SRP68: variants seen among roughly 807,000 people sequenced by gnomAD.
The protein encoded by SRP68 is signal recognition particle subunit SRP68.
In SRP68, 15 loss-of-function variants were observed where a neutral mutation model predicts 82.2. The observed-to-expected ratio is 0.18, with a 90% CI of 0.12 to 0.28. The LOEUF (loss-of-function observed/expected upper bound fraction) is 0.28, where lower values mean the gene tolerates loss of function less well. Among genes scored for constraint, SRP68 ranks in the 10% least tolerant of loss-of-function variants. The pLI is 1.00. For missense variants in SRP68, 595 were observed against 780.5 expected (o/e 0.76, Z 2.83); for synonymous variants, 261 against 292.6 (o/e 0.89, Z 1.10).
chr17:76,039,777 C>T lies in SRP68; in HGVS notation c.1813G>A (p.Asp605Asn), dbSNP rs1320001350. Reference protein sequence around the residue: ...LNHVAFPPLEDKLEQKTKSGL... With the variant: ...LNHVAFPPLENKLEQKTKSGL... The stretch of plus-strand genomic sequence containing the variant: ...CTCTTGGTCTTCTGTTCCAACTTGT[C>T]CTCAAGGGGTGGGAAAGCCACATGG... The change falls in exon 16 of 16, where the codon GAC becomes AAC. Residue 605 changes from aspartate (D) to asparagine (N), a missense_variant. Asp to Asn is a conservative substitution (Grantham distance 23). Around this residue, in one of 2 missense-constraint regions of SRP68, gnomAD observed 495 missense variants for 688.6 expected, o/e 0.72. Coordinates refer to ENST00000307877, the MANE Select transcript of SRP68 (RefSeq NM_014230.4). The T allele has an allele frequency of 1.9e-6, 3 of 1,614,090 alleles. No individual in the cohort carries two copies. Among genetic ancestry groups the T allele is most frequent in the South Asian group, 1.1e-5 (1 of 91,094 alleles).
chr17:76,053,448 C>A, intron 8 of SRP68: 1 of 985,332 alleles, frequency 1.0e-6, no homozygotes, highest in Non-Finnish European at 1.2e-6. Flanking sequence ...CTTCGTCTTA[C>A]CAGCTACACA....
intron 13 of SRP68, 111 bp from the exon 14 acceptor site, chr17:76,041,089 T>C (rs1224750061): frequency 1.4e-6 from 1 of 720,006 alleles, no homozygotes; most frequent in African/African-American, 1.8e-5. Flanking sequence ...CTTTAGACTT[T>C]CTAAACGGTT....
intron 9 of SRP68, chr17:76,048,201 C>T (rs1035726855): frequency 2.5e-5 from 6 of 242,414 alleles, no homozygotes; most frequent in East Asian, 7.6e-5. Context: ...CTGAGAGTAA[C>T]GGCCAGATGA....
At chr17:76,046,323 T>C in intron 10 of SRP68, 129 bp from the exon 11 acceptor site, 1 of 1,051,880 alleles carries the variant, frequency 9.5e-7, no homozygotes, top group Non-Finnish European at 1.4e-6. Context: ...AGCAGGGCCA[T>C]TTGGCTTGGG....
intron 8 of SRP68, among the ~76,000 whole-genome samples, 175 bp from the exon 9 acceptor site, chr17:76,050,701 C>G (rs2066665946): frequency 1.2e-5 from 1 of 84,072 alleles, no homozygotes; most frequent in Non-Finnish European, 2.5e-5. Flanking sequence ...TTCTCATAGC[C>G]TTAGTCATTC....
In SRP68 at chr17:76,045,877, G is replaced by T. The variant is rs149823405; in HGVS notation, c.1299+161C>A. Reference sequence around the variant, plus strand: ...AGATCAGCATGTCTGAGAGGTAGGGGCTCACAGACTGCAGAACTGGTGTAA... The same window carrying T: ...AGATCAGCATGTCTGAGAGGTAGGGTCTCACAGACTGCAGAACTGGTGTAA... On this transcript the variant is annotated intron_variant, in intron 11 of 15. Coordinates refer to ENST00000307877, the MANE Select transcript of SRP68 (RefSeq NM_014230.4). Among the ~76,000 whole-genome samples the T allele has an allele frequency of 1.3e-4, 20 of 152,272 alleles. No individual in the cohort carries two copies. The East Asian group carries it at 3.7e-3, about 28-fold the overall frequency.
intron 9 of SRP68, chr17:76,049,365 A>C (rs532514157): frequency 6.6e-6 from 1 of 152,360 alleles, no homozygotes; most frequent in Non-Finnish European, 1.5e-5. Flanking sequence ...TATGAGCTGG[A>C]CCTTGAAAAA....
chr17:76,064,732 T>C (rs2066793842), intron 3 of SRP68, among the ~76,000 whole-genome samples: 3 of 151,538 alleles, frequency 2.0e-5, no homozygotes, highest in Admixed American at 6.6e-5. Context: ...TCCCAGCTAC[T>C]TGGGAGGCTG....
chr17:76,045,758 T>C (rs1218396959), intron 11 of SRP68, among the ~76,000 whole-genome samples: 3 of 152,162 alleles, frequency 2.0e-5, no homozygotes, highest in Non-Finnish European at 4.4e-5. Context: ...GGGGCCGAGA[T>C]GGCATGGACT....
intron 3 of SRP68, among the ~76,000 whole-genome samples, chr17:76,065,056 CTTTATTA>C (rs2144525685): frequency 6.6e-6 from 1 of 152,190 alleles, no homozygotes; most frequent in South Asian, 2.1e-4. Context: ...TCGTTAACTA[CTTTATTA>C]TTATACTGGT....
Position 76,070,439 on chromosome 17 carries a change from GA to G in SRP68, c.189del (p.Gln64ArgfsTer50), listed in dbSNP as rs750887827. The G allele has an allele frequency of 6.2e-7, 1 of 1,613,860 alleles. No individual in the cohort carries two copies. The highest frequency in any genetic ancestry group is 2.2e-5 in the East Asian group (1 of 44,880). ...TGCTGCTGGGATTCCTTAATAATCT[GA>G]AGAACTAGAGTCGAGATTAAGGAAA... is the stretch of plus-strand genomic sequence containing the variant. ...EFGDSLSLEI[L>X]QIIKESQQQH... is the part of the protein sequence containing the mutation. On this transcript the variant is annotated frameshift_variant, in exon 2 of 16. Coordinates refer to ENST00000307877, the MANE Select transcript of SRP68 (RefSeq NM_014230.4). LOFTEE classifies it high-confidence loss of function.
intron 3 of SRP68, among the ~76,000 whole-genome samples, chr17:76,064,517 C>T (rs376979035): frequency 6.6e-6 from 1 of 152,234 alleles, no homozygotes. Context: ...ACACTTCCTT[C>T]ATCTCAATCC....
At chr17:76,047,805 A>G (rs537792048) in intron 10 of SRP68, 101 bp downstream of exon 10, 5 of 580,604 alleles carry the variant, frequency 8.6e-6, no homozygotes, top group Non-Finnish European at 2.5e-6. Context: ...AAAAACAAAG[A>G]AAAGAAATTA....
chr17:76,043,824 C>T lies in SRP68; in HGVS notation c.1524+5G>A, dbSNP rs772537658. 2 of 1,588,920 alleles carry T rather than the reference C, an allele frequency of 1.3e-6. No homozygotes were observed. The highest frequency in any genetic ancestry group is 1.7e-6 in the Non-Finnish European group (2 of 1,171,942). On this transcript the variant is annotated splice_donor_5th_base_variant and intron_variant, in intron 13 of 15. Coordinates refer to ENST00000307877, the MANE Select transcript of SRP68 (RefSeq NM_014230.4). ...CTTGCAAACAAGGAGAGGCCAACCT[C>T]TCACCTTTAGGCTGTTCTTGAAGGC...
chr17:76,061,485 G>C lies in SRP68; in HGVS notation c.644+7C>G. The C allele has an allele frequency of 6.2e-7, 1 of 1,612,062 alleles. No homozygotes were observed. Among genetic ancestry groups the C allele is most frequent in the Non-Finnish European group, 8.5e-7 (1 of 1,178,774 alleles). ...ACTGGCCACAGCCTTTGGACTATAG[G>C]ACTTACTTGCATTTGTTAAAAGCCT... is the stretch of plus-strand genomic sequence containing the variant. On this transcript the variant is annotated splice_region_variant and intron_variant, in intron 5 of 15. Transcript: ENST00000307877.
At chr17:76,046,479 A>AC (rs1420840572) in intron 10 of SRP68, among the ~76,000 whole-genome samples, 4 of 121,322 alleles carry the variant, frequency 3.3e-5, no homozygotes, top group East Asian at 2.3e-4. Flanking sequence ...AAAAAAAAAA[A>AC]AAAAACAAAA....
intron 8 of SRP68, among the ~76,000 whole-genome samples, chr17:76,055,812 T>TC (rs2066709965): frequency 6.9e-6 from 1 of 145,690 alleles, no homozygotes; most frequent in Non-Finnish European, 1.5e-5. Flanking sequence ...TTCTTCTTTT[T>TC]TTTTTTTTTT....
chr17:76,062,729 T>TA, intron 4 of SRP68, among the ~76,000 whole-genome samples: 1 of 14,514 alleles, frequency 6.9e-5, no homozygotes, highest in Non-Finnish European at 9.4e-5. Flanking sequence ...TATATTTATT[T>TA]TATATATATA....
rs148966459 is a variant in SRP68 at position 76,059,675 on chromosome 17, A to G, written c.837+633T>C. On this transcript the variant is annotated intron_variant, in intron 7 of 15. Transcript: ENST00000307877. ...AACAATTGAATACTTGGCCGAGAAC[A>G]GTGGCTCATGCCTGTAATCCCAGAA... Among the ~76,000 whole-genome samples, 89 of 151,686 alleles carry G rather than the reference A, an allele frequency of 5.9e-4. 1 individual carries two copies. In the East Asian group the frequency reaches 0.017, roughly 28 times the overall value.
Sources: gnomAD v4.1 joint callset for allele counts (sites outside exome capture counted in the v4.1 genomes callset) on GRCh38, gnomAD v4.1.1 for gene constraint, gnomAD v4.1.1 regional missense constraint, MANE v1.5 for transcripts, NCBI Gene and HGNC (gene_info 2026-07-23, HGNC 2026-07-21) for gene names.